Variants in MLLT10 observed in about 807,000 individuals in gnomAD.
MLLT10 encodes protein AF-10.
Under a neutral mutation model 129.1 loss-of-function variants are expected in MLLT10, and 30 were observed. The observed-to-expected ratio is 0.23, with a 90% CI of 0.17 to 0.32. The LOEUF (loss-of-function observed/expected upper bound fraction) is 0.32, where lower values mean the gene tolerates loss of function less well. Ranked by LOEUF, MLLT10 falls within the 10% of genes least tolerant of loss-of-function variation. MLLT10 has a pLI of 1.00. For missense variants in MLLT10, 1,119 were observed against 1,268.3 expected, an observed-to-expected ratio of 0.88 and a Z score of 1.79; for synonymous variants, 490 against 446.4, an observed-to-expected ratio of 1.10 and a Z score of -1.23.
chr10:21,621,540 C>T lies in MLLT10; in HGVS notation c.699+4333C>T, dbSNP rs2045857157. ...GATTACAGGCGTGAGCTACCGCGCC[C>T]AGCCAAGAATTTAATTTTTTAAAAG... On this transcript the variant is annotated intron_variant, in intron 8 of 22. Transcript: ENST00000307729. Among the ~76,000 whole-genome samples, 3 of 152,114 alleles carry T rather than the reference C, an allele frequency of 2.0e-5. No individual in the cohort carries two copies. In the South Asian group the frequency reaches 6.2e-4, roughly 32 times the overall value.
chr10:21,740,277 T>C (rs777709609), intron 22 of MLLT10, 41 bp downstream of exon 22: 4 of 1,583,980 alleles, frequency 2.5e-6, no homozygotes, highest in Non-Finnish European at 3.5e-6. Flanking sequence ...AAACAAGAAC[T>C]GTATTGATTA....
At chr10:21,552,388 C>CTTTTTTTTTTTT (rs1225893534) in intron 3 of MLLT10, among the ~76,000 whole-genome samples, 1 of 112,094 alleles carries the variant, frequency 8.9e-6, no homozygotes, top group African/African-American at 3.5e-5. Flanking sequence ...CTTCTTATTG[C>CTTTTTTTTTTTT]TTTTTTTTTT....
intron 3 of MLLT10, chr10:21,572,126 A>G (rs1271463067): frequency 6.6e-6 from 1 of 152,180 alleles, no homozygotes; most frequent in Admixed American, 6.5e-5. Flanking sequence ...AGTATTTTGC[A>G]TATGGCTATC....
intron 3 of MLLT10, among the ~76,000 whole-genome samples, chr10:21,578,413 C>T (rs1328549442): frequency 1.3e-5 from 2 of 152,118 alleles, no homozygotes; most frequent in African/African-American, 4.8e-5. Context: ...AATATTTCTT[C>T]CATCCTTTTA....
chr10:21,609,993 G>A (rs1254023506), intron 5 of MLLT10, among the ~76,000 whole-genome samples: 1 of 152,148 alleles, frequency 6.6e-6, no homozygotes, highest in Admixed American at 6.5e-5. Context: ...CTCAGGCAGA[G>A]CTGCTGAATT....
At chr10:21,713,102 G>A (rs1256937817) in intron 13 of MLLT10, among the ~76,000 whole-genome samples, 1 of 152,084 alleles carries the variant, frequency 6.6e-6, no homozygotes, top group Non-Finnish European at 1.5e-5. Context: ...AGTAAATGGA[G>A]CTGCCAACTC....
At chr10:21,629,143 G>A (rs1185410166) in intron 8 of MLLT10, among the ~76,000 whole-genome samples, 1 of 151,508 alleles carries the variant, frequency 6.6e-6, no homozygotes. Context: ...GGCCTTTTGA[G>A]TGCCATGTGA....
chr10:21,721,065 C>T lies in MLLT10; in HGVS notation c.1879-5179C>T, dbSNP rs2057097760. Among the ~76,000 whole-genome samples, 3 of 152,096 alleles carry T rather than the reference C, an allele frequency of 2.0e-5. No individual in the cohort carries two copies. In the South Asian group the frequency reaches 6.2e-4, roughly 32 times the overall value. On this transcript the variant is annotated intron_variant, in intron 14 of 22. Coordinates refer to ENST00000307729, the MANE Select transcript of MLLT10 (RefSeq NM_001195626.3). ...GAATTAGGAATTTAAAAAGTAAATA[C>T]TGAATTTAGTGAGCCTGAATATTTT... is the stretch of plus-strand genomic sequence containing the variant.
intron 8 of MLLT10, chr10:21,625,176 A>T: frequency 6.9e-7 from 1 of 1,449,808 alleles, no homozygotes; most frequent in Middle Eastern, 2.4e-4. Flanking sequence ...TAATCTTCAT[A>T]TGCAGTGCTT....
intron 18 of MLLT10, 73 bp downstream of exon 18, chr10:21,733,160 A>G (rs2058089670): frequency 7.2e-7 from 1 of 1,394,388 alleles, no homozygotes; most frequent in Admixed American, 2.4e-5. Context: ...TAAGTGAGTA[A>G]TAATTGGTCA....
Position 21,644,986 on chromosome 10 carries a change from C to T in MLLT10, c.700-6687C>T, listed in dbSNP as rs147235997. Among the ~76,000 whole-genome samples, 361 of 152,266 alleles carry T rather than the reference C, an allele frequency of 2.4e-3. 13 individuals are homozygous for T. The East Asian group carries it at 0.059, about 25-fold the overall frequency. ...CTTGATTCTTTACTTCCAGTTAGCA[C>T]CTCTTCACTTTTCTTCCTCTCGCCT... On this transcript the variant is annotated intron_variant, in intron 8 of 22. Transcript: ENST00000307729.
At chr10:21,642,840 T>A (rs1056550429) in intron 8 of MLLT10, among the ~76,000 whole-genome samples, 1 of 152,092 alleles carries the variant, frequency 6.6e-6, no homozygotes, top group Non-Finnish European at 1.5e-5. Context: ...GAGAAGGTGA[T>A]CATGAATTTT....
At chr10:21,704,363 A>ATATATATATATATAATTATTACTGAAT in intron 13 of MLLT10, among the ~76,000 whole-genome samples, 1 of 93,164 alleles carries the variant, frequency 1.1e-5, no homozygotes, top group East Asian at 4.1e-4. Context: ...CTCTCTATAT[A>ATATATATATATATAATTATTACTGAAT]TATATATATA....
intron 5 of MLLT10, 28 bp downstream of exon 5, chr10:21,595,468 T>G: frequency 6.5e-7 from 1 of 1,527,794 alleles, no homozygotes. Flanking sequence ...TTATTACTGT[T>G]TGAATATCAC....
At chr10:21,582,431 A>G (rs1481426431) in intron 3 of MLLT10, among the ~76,000 whole-genome samples, 1 of 151,936 alleles carries the variant, frequency 6.6e-6, no homozygotes, top group African/African-American at 2.4e-5. Context: ...GTTCTATTTT[A>G]TTGTTGTTGT....
chr10:21,553,150 G>A (rs925316057), intron 3 of MLLT10, among the ~76,000 whole-genome samples: 5 of 152,130 alleles, frequency 3.3e-5, no homozygotes, highest in African/African-American at 1.2e-4. Context: ...AAAGGCGCAT[G>A]AGAAATAAAT....
At chr10:21,637,623 C>T (rs2047582251) in intron 8 of MLLT10, among the ~76,000 whole-genome samples, 1 of 152,196 alleles carries the variant, frequency 6.6e-6, no homozygotes, top group African/African-American at 2.4e-5. Context: ...GGTAGAGGTA[C>T]TGAGTCCTGA....
chr10:21,687,179 A>G lies in MLLT10; in HGVS notation c.1699+4922A>G, dbSNP rs187826524. 1.6e-4 allele frequency among the ~76,000 whole-genome samples: 24 copies of G among 152,298 alleles called. No individual in the cohort carries two copies. The East Asian group carries it at 4.4e-3, about 28-fold the overall frequency. Reference sequence around the variant, plus strand: ...GAGGTAATGTTAACCAGTTATTCATATAGGTGCTGTAGGATGAGTATACGT... The same window carrying G: ...GAGGTAATGTTAACCAGTTATTCATGTAGGTGCTGTAGGATGAGTATACGT... On this transcript the variant is annotated intron_variant, in intron 13 of 22. Transcript: ENST00000307729.
intron 8 of MLLT10, among the ~76,000 whole-genome samples, chr10:21,623,186 C>G (rs777955383): frequency 2.0e-5 from 3 of 152,152 alleles, no homozygotes; most frequent in Non-Finnish European, 2.9e-5. Context: ...TATGTAGGCA[C>G]AATTTATTAA....
Sources: gnomAD v4.1 joint callset for allele counts (sites outside exome capture counted in the v4.1 genomes callset) on GRCh38, gnomAD v4.1.1 for gene constraint, MANE v1.5 for transcripts, NCBI Gene and HGNC (gene_info 2026-07-23, HGNC 2026-07-21) for gene names.